XXYLT1: variants seen among roughly 807,000 people sequenced by gnomAD.
The protein encoded by XXYLT1 is xyloside xylosyltransferase 1.
In XXYLT1, 20 loss-of-function variants were observed where a neutral mutation model predicts 28.9. That is an observed-to-expected ratio of 0.69 (90% CI 0.49 to 1.00). The LOEUF (loss-of-function observed/expected upper bound fraction) is 1.00, where lower values mean the gene tolerates loss of function less well. Among genes scored for constraint, XXYLT1 ranks in the 50% least tolerant of loss-of-function variants. The probability of loss-of-function intolerance (pLI) is 0.00; values close to 1 mark genes in which losing one functional copy is unlikely to be tolerated. For synonymous variants in XXYLT1, 257 were observed against 253.8 expected (o/e 1.01, Z -0.12); for missense variants, 542 against 560.1 (o/e 0.97, Z 0.33).
chr3:195,154,790 TTCTC>T (rs1720471881), intron 3 of XXYLT1, among the ~76,000 whole-genome samples: 1 of 152,232 alleles, frequency 6.6e-6, no homozygotes, highest in Non-Finnish European at 1.5e-5. Context: ...TTAATAAACT[TTCTC>T]TCCTGCTCTA....
chr3:195,089,593 C>T (rs1716017163), intron 3 of XXYLT1, among the ~76,000 whole-genome samples: 1 of 152,024 alleles, frequency 6.6e-6, no homozygotes, highest in Admixed American at 6.6e-5. Flanking sequence ...TAAAGACCAT[C>T]GAGACTAGGA....
At chr3:195,097,357 T>TAACAGCAA (rs1560092415) in intron 3 of XXYLT1, among the ~76,000 whole-genome samples, 1 of 152,120 alleles carries the variant, frequency 6.6e-6, no homozygotes, top group Non-Finnish European at 1.5e-5. Flanking sequence ...GTGACGCGGG[T>TAACAGCAA]TACAGCAATG....
intron 1 of XXYLT1, among the ~76,000 whole-genome samples, chr3:195,267,335 A>C (rs1451524993): frequency 6.6e-6 from 1 of 152,240 alleles, no homozygotes; most frequent in Non-Finnish European, 1.5e-5. Flanking sequence ...TGCCCCCTGG[A>C]CTTTACAAGA....
chr3:195,233,062 G>A (rs1015776460), intron 1 of XXYLT1, among the ~76,000 whole-genome samples: 4 of 152,146 alleles, frequency 2.6e-5, no homozygotes, highest in East Asian at 1.9e-4. Flanking sequence ...GAGTGCACTA[G>A]TGTTGGATGC....
intron 3 of XXYLT1, among the ~76,000 whole-genome samples, chr3:195,114,955 G>A (rs1383366525): frequency 2.0e-5 from 3 of 152,222 alleles, no homozygotes; most frequent in Non-Finnish European, 4.4e-5. Flanking sequence ...AGTCACTCCT[G>A]GGTGGAGGCT....
intron 1 of XXYLT1, among the ~76,000 whole-genome samples, chr3:195,258,909 C>G (rs1725577435): frequency 6.6e-6 from 1 of 152,250 alleles, no homozygotes; most frequent in Admixed American, 6.5e-5. Context: ...AGCTGTTTTG[C>G]AAGCTAGCTG....
chr3:195,175,337 C>T (rs1225794540), intron 2 of XXYLT1, among the ~76,000 whole-genome samples: 1 of 152,218 alleles, frequency 6.6e-6, no homozygotes, highest in Admixed American at 6.5e-5. Context: ...CGGACAGAAG[C>T]AGAGGGCAGA....
chr3:195,198,904 G>A (rs76379846), intron 2 of XXYLT1, among the ~76,000 whole-genome samples: 5,172 of 152,250 alleles, frequency 0.034, 152 homozygotes, highest in East Asian at 0.1. Flanking sequence ...AAGAGTGGCA[G>A]AGTTCTCCGA....
chr3:195,262,596 G>A (rs1050748930), intron 1 of XXYLT1, among the ~76,000 whole-genome samples: 1 of 152,314 alleles, frequency 6.6e-6, no homozygotes, highest in Admixed American at 6.5e-5. Context: ...CAAAGCTGGA[G>A]CAGTTAATCC....
chr3:195,115,161 G>A lies in XXYLT1; in HGVS notation c.785+41288C>T, dbSNP rs1242924359. The stretch of plus-strand genomic sequence containing the variant: ...GACGTGAATCAGGTGCTGCGACTCG[G>A]GAACTAGTGTGCTCACATGAGACGT... On this transcript the variant is annotated intron_variant, in intron 3 of 3. Transcript: ENST00000310380. The surrounding 1 kb of genome is among the most constrained non-coding windows in gnomAD (Gnocchi z 4.2). 6.6e-6 allele frequency among the ~76,000 whole-genome samples: 1 copy of A among 152,202 alleles called. No individual in the cohort carries two copies. Among genetic ancestry groups the A allele is most frequent in the Non-Finnish European group, 1.5e-5 (1 of 68,028 alleles).
chr3:195,144,454 G>A (rs1315238651), intron 3 of XXYLT1, among the ~76,000 whole-genome samples: 1 of 151,868 alleles, frequency 6.6e-6, no homozygotes, highest in East Asian at 1.9e-4. Flanking sequence ...TCGGCTCACT[G>A]CAACCTCCGC....
At chr3:195,099,648 T>G (rs1716657547) in intron 3 of XXYLT1, among the ~76,000 whole-genome samples, 1 of 151,720 alleles carries the variant, frequency 6.6e-6, no homozygotes, top group African/African-American at 2.4e-5. Context: ...GGTTAACACG[T>G]TGAAACCCCG....
Position 195,255,280 on chromosome 3 carries a change from G to A in XXYLT1, c.504+15275C>T, listed in dbSNP as rs1725435640. Among the ~76,000 whole-genome samples the A allele has an allele frequency of 6.6e-6, 1 of 152,212 alleles. No homozygotes were observed. The highest frequency in any genetic ancestry group is 2.1e-4 in the South Asian group (1 of 4,832). On this transcript the variant is annotated intron_variant, in intron 1 of 3. Transcript: ENST00000310380. The surrounding 1 kb of genome is among the most constrained non-coding windows in gnomAD (Gnocchi z 4.5). ...CTGTGACAGTCACGGCAGGACTGGG[G>A]CTGCAGGAGTGCAGAGCCAGGTGGG... is the stretch of plus-strand genomic sequence containing the variant.
At chr3:195,203,440 C>T (rs924092175) in intron 2 of XXYLT1, among the ~76,000 whole-genome samples, 1 of 152,152 alleles carries the variant, frequency 6.6e-6, no homozygotes, top group African/African-American at 2.4e-5. Context: ...TCCCTGGGGG[C>T]CCACATATCC....
Position 195,158,705 on chromosome 3 carries a change from T to C in XXYLT1, c.653-2124A>G, listed in dbSNP as rs141671873. ...ACTGAGATGGGAGGCCACTCCTTTC[T>C]ATTCCCGGAGGCCAACAGGCCCCTG... On this transcript the variant is annotated intron_variant, in intron 2 of 3. Transcript: ENST00000310380. Among the ~76,000 whole-genome samples, 611 of 152,374 alleles carry C rather than the reference T, an allele frequency of 4.0e-3. 3 individuals are homozygous for C. The highest frequency in any genetic ancestry group is 0.014 in the African/African-American group (593 of 41,596).
chr3:195,150,887 C>G lies in XXYLT1; in HGVS notation c.785+5562G>C, dbSNP rs568557638. Among the ~76,000 whole-genome samples, 11 of 137,456 alleles carry G rather than the reference C, an allele frequency of 8.0e-5. No homozygotes were observed. Among genetic ancestry groups the G allele is most frequent in the Non-Finnish European group, 1.7e-4 (11 of 64,554 alleles). 90.2% of individuals were successfully genotyped at this position (137,456 alleles called of 152,430 possible). A position where few individuals can be genotyped will look rare whatever the true frequency, so the allele number is the denominator to read the frequency against. On this transcript the variant is annotated intron_variant, in intron 3 of 3. Coordinates refer to ENST00000310380, the MANE Select transcript of XXYLT1 (RefSeq NM_152531.5). The surrounding 1 kb of genome is among the most constrained non-coding windows in gnomAD (Gnocchi z 4.7). The stretch of plus-strand genomic sequence containing the variant: ...ACACACACTCTCTCCCTCTCCCTCT[C>G]CCTCTCTCTCTCTCCATCACTCCAG...
In XXYLT1 at chr3:195,098,292, G is replaced by A. The variant is rs1232747008; in HGVS notation, c.786-28181C>T. Among the ~76,000 whole-genome samples, 4 of 152,288 alleles carry A rather than the reference G, an allele frequency of 2.6e-5. No individual in the cohort carries two copies. The East Asian group carries it at 5.8e-4, about 22-fold the overall frequency. ...AATGGAGCCAGGTGCAGTGGCTCAC[G>A]CCTGTAATCCCAGCACTTTGGGAGG... On this transcript the variant is annotated intron_variant, in intron 3 of 3. Coordinates refer to ENST00000310380, the MANE Select transcript of XXYLT1 (RefSeq NM_152531.5).
intron 3 of XXYLT1, among the ~76,000 whole-genome samples, chr3:195,134,307 C>T (rs1003688992): frequency 6.6e-6 from 1 of 152,224 alleles, no homozygotes; most frequent in Admixed American, 6.5e-5. Context: ...CAGGCCTTCA[C>T]ACTCACCCAC....
chr3:195,207,818 A>G (rs1723138159), intron 2 of XXYLT1, among the ~76,000 whole-genome samples: 3 of 152,168 alleles, frequency 2.0e-5, no homozygotes, highest in Non-Finnish European at 4.4e-5. Context: ...TAAAGACTCA[A>G]TTCCCCTCTC....
Sources: gnomAD v4.1 joint callset for allele counts (sites outside exome capture counted in the v4.1 genomes callset) on GRCh38, gnomAD v4.1.1 for gene constraint, Gnocchi (gnomAD v3.1) non-coding constraint, MANE v1.5 for transcripts, NCBI Gene and HGNC (gene_info 2026-07-23, HGNC 2026-07-21) for gene names.